Variants in BCL2L11 observed in about 807,000 individuals in gnomAD.
BCL2L11 encodes the protein BCL2 like 11.
In BCL2L11, 15 loss-of-function variants were observed where a neutral mutation model predicts 20.6. The ratio of observed to expected loss-of-function variants is 0.73; its 90% CI spans 0.49 to 1.12. The LOEUF is 1.12. Ranked by LOEUF, BCL2L11 falls within the 50% of genes most tolerant of loss-of-function variation. BCL2L11 has a pLI of 0.00. For missense variants in BCL2L11, 292 were observed against 260.9 expected (o/e 1.12, Z -0.82); for synonymous variants, 108 against 92.8 (o/e 1.16, Z -0.94).
chr2:111,155,320 C>CG (rs1256862835), intron 3 of BCL2L11, among the ~76,000 whole-genome samples: 2 of 152,156 alleles, frequency 1.3e-5, no homozygotes, highest in African/African-American at 4.8e-5. Context: ...TCTTCAGTAG[C>CG]GGTTGCCAGT....
intron 1 of BCL2L11, chr2:111,123,528 G>GT: frequency 3.0e-6 from 3 of 985,238 alleles, no homozygotes; most frequent in Non-Finnish European, 3.6e-6. Flanking sequence ...ACTGTATTTT[G>GT]TTTGGGGGTA....
At chr2:111,128,030 G>A (rs2073058062) in intron 2 of BCL2L11, among the ~76,000 whole-genome samples, 1 of 151,884 alleles carries the variant, frequency 6.6e-6, no homozygotes, top group South Asian at 2.1e-4. Context: ...TTATTTTGTT[G>A]TGCGGCCAAT....
Position 111,164,244 on chromosome 2 carries a change from GGAGCC to G in BCL2L11, c.*17_*21del. The G allele has an allele frequency of 6.4e-7, 1 of 1,573,196 alleles. No individual in the cohort carries two copies. The highest frequency in any genetic ancestry group is 1.3e-5 in the African/African-American group (1 of 74,226). ...GAGAATGCATTGACAGGTTCTTTGC[GGAGCC>G]GAGATACCATGCAGACATTTTGCTT... is the stretch of plus-strand genomic sequence containing the variant. On this transcript the variant is annotated 3_prime_UTR_variant, in exon 4 of 4. Transcript: ENST00000393256.
Position 111,168,105 on chromosome 2 carries a change from T to G in BCL2L11, c.*3874T>G, listed in dbSNP as rs2079112547. On this transcript the variant is annotated 3_prime_UTR_variant, in exon 4 of 4. Coordinates refer to ENST00000393256, the MANE Select transcript of BCL2L11 (RefSeq NM_138621.5). ...TAAGAAGCATCCTCAAGCTCCCAGT[T>G]AAGTAACTTGACTACTTTTATTTGG... 1 of 152,706 alleles carries G rather than the reference T, an allele frequency of 6.5e-6. No homozygotes were observed. Among genetic ancestry groups the G allele is most frequent in the Non-Finnish European group, 1.5e-5 (1 of 68,066 alleles). 9.5% of individuals were successfully genotyped at this position (152,706 alleles called of 1,614,324 possible).
intron 2 of BCL2L11, among the ~76,000 whole-genome samples, chr2:111,126,984 G>A (rs2072764796): frequency 6.8e-6 from 1 of 146,956 alleles, no homozygotes; most frequent in African/African-American, 2.6e-5. Context: ...TAGTAGTTGA[G>A]TGTTTGTATT....
At chr2:111,142,338 A>T (rs2150413932) in intron 2 of BCL2L11, 3 of 1,550,604 alleles carry the variant, frequency 1.9e-6, no homozygotes, top group Non-Finnish European at 8.7e-7. Flanking sequence ...CCTCCCTCAG[A>T]ATTGCCCTTC....
intron 3 of BCL2L11, among the ~76,000 whole-genome samples, chr2:111,162,521 T>C (rs1247358013): frequency 6.6e-6 from 1 of 152,264 alleles, no homozygotes; most frequent in Non-Finnish European, 1.5e-5. Context: ...GGTCACAGCC[T>C]CCTGCTGTCC....
At chr2:111,162,372 C>G (rs1270192078) in intron 3 of BCL2L11, among the ~76,000 whole-genome samples, 1 of 152,196 alleles carries the variant, frequency 6.6e-6, no homozygotes, top group Non-Finnish European at 1.5e-5. Flanking sequence ...TTGGGTGTAA[C>G]TTTTGCCAAA....
intron 3 of BCL2L11, among the ~76,000 whole-genome samples, chr2:111,157,649 T>C (rs569726994): frequency 1.2e-4 from 19 of 152,330 alleles, no homozygotes; most frequent in African/African-American, 4.6e-4. Flanking sequence ...TGGAGGGCTG[T>C]GCTGTGCTGC....
rs2079011233 is a variant in BCL2L11, at chr2:111,166,205, C to T, written c.*1974C>T. On this transcript the variant is annotated 3_prime_UTR_variant, in exon 4 of 4. Coordinates refer to ENST00000393256, the MANE Select transcript of BCL2L11 (RefSeq NM_138621.5). ...GGCACCCCCTCCCAGGATCCCTGTA[C>T]TCACGTGCCAGTCTCCTGACTAGAG... 6.5e-6 allele frequency: 1 copy of T among 152,728 alleles called. No homozygotes were observed. Among genetic ancestry groups the T allele is most frequent in the Non-Finnish European group, 1.5e-5 (1 of 68,078 alleles). The allele number at this position is 152,728 out of a possible 1,614,324, so 9.5% of individuals were successfully genotyped here. A position where few individuals can be genotyped will look rare whatever the true frequency, so the allele number is the denominator to read the frequency against.
chr2:111,124,550 A>G (rs536882053), intron 2 of BCL2L11, among the ~76,000 whole-genome samples: 1 of 152,294 alleles, frequency 6.6e-6, no homozygotes, highest in South Asian at 2.1e-4. Flanking sequence ...TCAGCCTCCC[A>G]AAGTGCTGGG....
Position 111,142,541 on chromosome 2 carries a change from A to G in BCL2L11, c.395-7503A>G, listed in dbSNP as rs1195683586. 7.6e-6 allele frequency: 5 copies of G among 655,918 alleles called. No individual in the cohort carries two copies. In the African/African-American group the frequency reaches 9.2e-5, roughly 12 times the overall value. The allele number at this position is 655,918 out of a possible 1,614,324, so 40.6% of individuals were successfully genotyped here. On this transcript the variant is annotated intron_variant, in intron 2 of 3. Transcript: ENST00000393256. ...TAAATTGTACTTCACTTTGTATATCACCATTGTAAGTTTTAACCGTATACA... is the reference window on the plus strand; with the variant it reads ...TAAATTGTACTTCACTTTGTATATCGCCATTGTAAGTTTTAACCGTATACA...
At chr2:111,136,791 T>G (rs1343924428) in intron 2 of BCL2L11, among the ~76,000 whole-genome samples, 2 of 152,192 alleles carry the variant, frequency 1.3e-5, no homozygotes, top group Non-Finnish European at 2.9e-5. Context: ...GCGAGAGTTT[T>G]GGGGGCATGT....
intron 2 of BCL2L11, among the ~76,000 whole-genome samples, chr2:111,135,623 T>G (rs1000846853): frequency 1.3e-5 from 2 of 151,642 alleles, no homozygotes; most frequent in African/African-American, 4.8e-5. Context: ...GATGGGAGAG[T>G]TCTCTTTTGT....
intron 1 of BCL2L11, chr2:111,122,580 A>G (rs1009410240): frequency 2.5e-5 from 25 of 980,734 alleles, no homozygotes; most frequent in Middle Eastern, 5.2e-4. Flanking sequence ...ACCCGGCGCC[A>G]GCGGCGCGGG....
At chr2:111,136,364 G>A (rs994418606) in intron 2 of BCL2L11, among the ~76,000 whole-genome samples, 1 of 152,108 alleles carries the variant, frequency 6.6e-6, no homozygotes, top group Non-Finnish European at 1.5e-5. Flanking sequence ...AGTTTTCCTG[G>A]GCCTGCTTGC....
At chr2:111,122,588 G>C (rs968318486) in intron 1 of BCL2L11, 2 of 982,690 alleles carry the variant, frequency 2.0e-6, no homozygotes, top group African/African-American at 1.8e-5. Flanking sequence ...CCAGCGGCGC[G>C]GGGAGGTCGG....
chr2:111,153,150 G>A (rs1174900903), intron 3 of BCL2L11, among the ~76,000 whole-genome samples: 2 of 152,148 alleles, frequency 1.3e-5, no homozygotes, highest in South Asian at 2.1e-4. Flanking sequence ...GGCTGAGGCG[G>A]GTGGATCACC....
chr2:111,167,593 A>T lies in BCL2L11; in HGVS notation c.*3362A>T, dbSNP rs2079083061. On this transcript the variant is annotated 3_prime_UTR_variant, in exon 4 of 4. Transcript: ENST00000393256. ...CAGAGGTGCTGCATTGCAGTTGTTC[A>T]GGGCTAGGGCCAGGCAGGACAAGTG... is the stretch of plus-strand genomic sequence containing the variant. 1.3e-5 allele frequency: 2 copies of T among 152,268 alleles called. No individual in the cohort carries two copies. Among genetic ancestry groups the T allele is most frequent in the Admixed American group, 1.3e-4 (2 of 15,286 alleles). The allele number at this position is 152,268 out of a possible 1,614,324, so 9.4% of individuals were successfully genotyped here. A position where few individuals can be genotyped will look rare whatever the true frequency, so the allele number is the denominator to read the frequency against.
Sources: allele counts gnomAD v4.1 joint callset (sites outside exome capture counted in the v4.1 genomes callset), GRCh38; gene constraint gnomAD v4.1.1; transcripts MANE v1.5; gene names NCBI Gene and HGNC (gene_info 2026-07-23, HGNC 2026-07-21).